TP63: variants seen among roughly 807,000 people sequenced by gnomAD.
TP63 encodes tumor protein p63.
TP63 carries 17 observed loss-of-function variants against 82.8 expected under a neutral mutation model. The observed-to-expected ratio is 0.21, with a 90% CI of 0.14 to 0.31. TP63 has a LOEUF of 0.31. Ranked by LOEUF, TP63 falls within the 10% of genes least tolerant of loss-of-function variation. The probability of loss-of-function intolerance (pLI) is 1.00; values close to 1 mark genes in which losing one functional copy is unlikely to be tolerated. For synonymous variants in TP63, 330 were observed against 321.7 expected, an observed-to-expected ratio of 1.03 and a Z score of -0.28; for missense variants, 648 against 895.3, an observed-to-expected ratio of 0.72 and a Z score of 3.52.
intron 1 of TP63, among the ~76,000 whole-genome samples, chr3:189,656,342 G>T (rs890328494): frequency 2.0e-4 from 31 of 152,200 alleles, no homozygotes; most frequent in African/African-American, 7.5e-4. Context: ...ATCACTAAAA[G>T]AATGTTTAAT....
intron 1 of TP63, among the ~76,000 whole-genome samples, chr3:189,669,021 C>CA (rs5855269): frequency 0.37 from 54,999 of 149,210 alleles, 10,941 homozygotes; most frequent in Middle Eastern, 0.5. Context: ...TGAAAGAAAC[C>CA]AAAAAAAAAA....
At chr3:189,796,356 A>C (rs1286918405) in intron 3 of TP63, among the ~76,000 whole-genome samples, 1 of 151,970 alleles carries the variant, frequency 6.6e-6, no homozygotes, top group Non-Finnish European at 1.5e-5. Flanking sequence ...AGCCTCCTTC[A>C]TCACTTCCAT....
chr3:189,618,651 A>G, the TP63 span, among the ~76,000 whole-genome samples: 9 of 152,316 alleles, frequency 5.9e-5, no homozygotes, highest in Non-Finnish European at 1.2e-4. Flanking sequence ...TCTGAGACAC[A>G]GAGGAGAGCC....
At chr3:189,875,598 A>ATATG (rs1718981133) in intron 10 of TP63, among the ~76,000 whole-genome samples, 1 of 36,234 alleles carries the variant, frequency 2.8e-5, no homozygotes, top group Non-Finnish European at 6.7e-5. Flanking sequence ...ACATACATAT[A>ATATG]TATATATATA....
At chr3:189,815,430 T>G (rs1229387315) in intron 4 of TP63, among the ~76,000 whole-genome samples, 3 of 152,170 alleles carry the variant, frequency 2.0e-5, no homozygotes. Flanking sequence ...TTATATACTG[T>G]ATCTACAAGG....
rs904634487 is a variant in TP63, at chr3:189,671,160, C to T, written c.62+39583C>T. 1.3e-4 allele frequency among the ~76,000 whole-genome samples: 20 copies of T among 151,918 alleles called. No individual in the cohort carries two copies. In the South Asian group the frequency reaches 2.3e-3, roughly 17 times the overall value. On this transcript the variant is annotated intron_variant, in intron 1 of 13. Transcript: ENST00000264731. ...ATAAATGATTAATATCCAGAATATA[C>T]GAAAAATTCAAACAACTCAAAAGCA...
At chr3:189,616,737 A>C in the TP63 span, among the ~76,000 whole-genome samples, 3 of 152,292 alleles carry the variant, frequency 2.0e-5, no homozygotes, top group Admixed American at 6.5e-5. Flanking sequence ...GCAGTTCCAG[A>C]CATATGGTCA....
chr3:189,817,079 T>C (rs1464391160), intron 4 of TP63, among the ~76,000 whole-genome samples: 3 of 152,084 alleles, frequency 2.0e-5, no homozygotes, highest in Non-Finnish European at 4.4e-5. Context: ...GGGACCTTAA[T>C]TGCTAATTGT....
At chr3:189,875,847 C>A (rs1260060699) in intron 10 of TP63, among the ~76,000 whole-genome samples, 1 of 151,566 alleles carries the variant, frequency 6.6e-6, no homozygotes, top group Non-Finnish European at 1.5e-5. Flanking sequence ...AAAAGCAACA[C>A]CAGCCTTGAA....
the TP63 span, among the ~76,000 whole-genome samples, chr3:189,597,022 G>A: frequency 6.6e-6 from 1 of 151,988 alleles, no homozygotes; most frequent in Non-Finnish European, 1.5e-5. Context: ...CCACCGTAAG[G>A]AAGAAACTCC....
intron 1 of TP63, among the ~76,000 whole-genome samples, chr3:189,703,095 C>T (rs1028175481): frequency 2.0e-5 from 3 of 152,132 alleles, no homozygotes; most frequent in African/African-American, 7.2e-5. Flanking sequence ...GTGGTGCAAT[C>T]AGAACTGGGA....
At chr3:189,789,574 G>A in intron 3 of TP63, 1 of 1,043,710 alleles carries the variant, frequency 9.6e-7, no homozygotes, top group Non-Finnish European at 1.2e-6. Context: ...CCAGGTGGAA[G>A]TTGATGGATT....
At chr3:189,635,834 T>G (rs913669486) in intron 1 of TP63, among the ~76,000 whole-genome samples, 4 of 152,106 alleles carry the variant, frequency 2.6e-5, no homozygotes, top group Non-Finnish European at 4.4e-5. Flanking sequence ...ATTAAAAAAG[T>G]ATGCCATGAT....
rs745371486 is a variant in TP63 at position 189,879,223 on chromosome 3, C to T, written c.1349+6228C>T. ...CCTAGCATTAAGCAAATAAAAATGA[C>T]TTTGTTCCTTTGAAAGGCATAGCCA... On this transcript the variant is annotated intron_variant, in intron 10 of 13. Coordinates refer to ENST00000264731, the MANE Select transcript of TP63 (RefSeq NM_003722.5). Among the ~76,000 whole-genome samples, 16 of 152,168 alleles carry T rather than the reference C, an allele frequency of 1.1e-4. 1 individual carries two copies. The highest frequency in any genetic ancestry group is 6.5e-4 in the Admixed American group (10 of 15,286).
chr3:189,770,144 A>C (rs1371045553), intron 3 of TP63, among the ~76,000 whole-genome samples: 1 of 152,236 alleles, frequency 6.6e-6, no homozygotes, highest in African/African-American at 2.4e-5. Context: ...AAAGTGGTAC[A>C]ATCTGAATCT....
chr3:189,717,935 C>T (rs1719084894), intron 1 of TP63, among the ~76,000 whole-genome samples: 1 of 152,132 alleles, frequency 6.6e-6, no homozygotes, highest in African/African-American at 2.4e-5. Flanking sequence ...AGAAACCTTG[C>T]TATATAATCC....
chr3:189,693,668 C>T (rs531401250), intron 1 of TP63, among the ~76,000 whole-genome samples: 2 of 152,068 alleles, frequency 1.3e-5, no homozygotes, highest in Non-Finnish European at 2.9e-5. Context: ...TATGTTTTGC[C>T]TATTTGAATA....
Position 189,737,938 on chromosome 3 carries a change from C to T in TP63, c.191+70C>T, listed in dbSNP as rs968163600. 10 of 1,579,006 alleles carry T rather than the reference C, an allele frequency of 6.3e-6. No homozygotes were observed. In the African/African-American group the frequency reaches 1.4e-4, roughly 21 times the overall value. ...GTAAATGTGGGTGGTCAAAATATTG[C>T]TTACTAGGGCATGTTTTTTCTAGAA... On this transcript the variant is annotated intron_variant, in intron 2 of 13. Coordinates refer to ENST00000264731, the MANE Select transcript of TP63 (RefSeq NM_003722.5).
intron 1 of TP63, among the ~76,000 whole-genome samples, chr3:189,654,853 A>T (rs1382028087): frequency 5.9e-5 from 9 of 152,136 alleles, no homozygotes; most frequent in African/African-American, 2.2e-4. Context: ...ACATGCCCTC[A>T]ATGTAATGTC....
Sources: gnomAD v4.1 joint callset for allele counts (sites outside exome capture counted in the v4.1 genomes callset) on GRCh38, gnomAD v4.1.1 for gene constraint, MANE v1.5 for transcripts, NCBI Gene and HGNC (gene_info 2026-07-23, HGNC 2026-07-21) for gene names.